DPP10: variants seen among roughly 807,000 people sequenced by gnomAD.
The protein encoded by DPP10 is dipeptidyl peptidase like 10, also known as inactive dipeptidyl peptidase 10.
DPP10 carries 33 observed loss-of-function variants against 120.9 expected under a neutral mutation model. The observed-to-expected ratio is 0.27, with a 90% CI of 0.21 to 0.37. The LOEUF is 0.37. DPP10 is among the 10% of genes least tolerant of loss of function. The pLI is 1.00. For synonymous variants in DPP10, 337 were observed against 326.1 expected, an observed-to-expected ratio of 1.03 and a Z score of -0.36; for missense variants, 816 against 942.8, an observed-to-expected ratio of 0.87 and a Z score of 1.76.
At chr2:115,402,865 A>G (rs2068187047) in intron 3 of DPP10, among the ~76,000 whole-genome samples, 1 of 136,950 alleles carries the variant, frequency 7.3e-6, no homozygotes, top group South Asian at 2.3e-4. Context: ...ATATATATAT[A>G]TATATATATA....
At position 114,462,623 on chromosome 2, in the gene DPP10, C is replaced by T. The variant is rs372798423; in HGVS notation, c.60+19785C>T. Among the ~76,000 whole-genome samples, 5 of 152,140 alleles carry T rather than the reference C, an allele frequency of 3.3e-5. No homozygotes were observed. In the South Asian group the frequency reaches 6.2e-4, roughly 19 times the overall value. ...TCCTAACAAGGGTCTATGCTATCAA[C>T]GTGACTTATCACTGATGCTGTTAAC... is the stretch of plus-strand genomic sequence containing the variant. On this transcript the variant is annotated intron_variant, in intron 1 of 25. Coordinates refer to ENST00000410059, the MANE Select transcript of DPP10 (RefSeq NM_020868.6).
chr2:115,799,423 A>C (rs1362900011), intron 19 of DPP10, among the ~76,000 whole-genome samples: 2 of 151,622 alleles, frequency 1.3e-5, no homozygotes, highest in Non-Finnish European at 2.9e-5. Flanking sequence ...CTATGCTTTT[A>C]TTTTTTCTTT....
At chr2:115,204,029 A>C (rs1227748847) in intron 1 of DPP10, among the ~76,000 whole-genome samples, 4 of 152,194 alleles carry the variant, frequency 2.6e-5, no homozygotes, top group African/African-American at 9.7e-5. Context: ...GAGTTTAAGC[A>C]GAAGAGACTC....
chr2:115,385,460 A>G (rs1288151125), intron 3 of DPP10, among the ~76,000 whole-genome samples: 3 of 151,640 alleles, frequency 2.0e-5, no homozygotes, highest in African/African-American at 4.9e-5. Flanking sequence ...GGTTCAAACA[A>G]TTCTCCTGCC....
intron 5 of DPP10, 103 bp from the exon 6 acceptor site, chr2:115,689,584 C>T (rs146300890): frequency 1.7e-5 from 13 of 786,974 alleles, no homozygotes; most frequent in African/African-American, 1.2e-4. Context: ...TCATTTCTGC[C>T]TAACACCAAT....
intron 5 of DPP10, among the ~76,000 whole-genome samples, chr2:115,664,067 T>C (rs555332238): frequency 6.6e-6 from 1 of 151,974 alleles, no homozygotes; most frequent in African/African-American, 2.4e-5. Context: ...ATATCAGTGA[T>C]GATATTAAAA....
intron 1 of DPP10, among the ~76,000 whole-genome samples, chr2:115,011,110 T>C (rs1702231565): frequency 6.6e-6 from 1 of 152,242 alleles, no homozygotes; most frequent in South Asian, 2.1e-4. Context: ...GTTACTCATT[T>C]GGAAGTTAAT....
In DPP10 at chr2:114,797,787, C is replaced by T. The variant is rs185167675; in HGVS notation, c.60+354949C>T. Among the ~76,000 whole-genome samples the T allele has an allele frequency of 5.7e-3, 871 of 152,210 alleles. 10 individuals carry two copies. Among genetic ancestry groups the T allele is most frequent in the African/African-American group, 0.019 (804 of 41,516 alleles). ...TGTCCCCTCCAGTACCCAGGAGATG[C>T]GATATAATTCCTGTGTTCCTTTCTT... On this transcript the variant is annotated intron_variant, in intron 1 of 25. Transcript: ENST00000410059.
intron 1 of DPP10, among the ~76,000 whole-genome samples, chr2:114,560,286 T>G (rs2104937942): frequency 6.6e-6 from 1 of 152,268 alleles, no homozygotes; most frequent in Admixed American, 6.5e-5. Context: ...ATTCAAGGTC[T>G]TTGCATAAAT....
chr2:114,718,678 A>G (rs970491593), intron 1 of DPP10, among the ~76,000 whole-genome samples: 3 of 152,206 alleles, frequency 2.0e-5, no homozygotes, highest in Non-Finnish European at 4.4e-5. Context: ...GATGCTATTT[A>G]AAATGAATGT....
chr2:114,683,555 TCTCCCTCC>T (rs1276469239), intron 1 of DPP10, among the ~76,000 whole-genome samples: 8 of 140,732 alleles, frequency 5.7e-5, no homozygotes, highest in Non-Finnish European at 1.1e-4. Flanking sequence ...TCCCTCTCTC[TCTCCCTCC>T]CTCCCTCCCT....
At chr2:115,546,083 C>A (rs1321333544) in intron 5 of DPP10, among the ~76,000 whole-genome samples, 2 of 152,142 alleles carry the variant, frequency 1.3e-5, no homozygotes, top group Non-Finnish European at 2.9e-5. Flanking sequence ...GACTTAAGGT[C>A]TAAATCTGCA....
At chr2:115,833,317 A>G (rs1229656931) in intron 21 of DPP10, among the ~76,000 whole-genome samples, 1 of 152,240 alleles carries the variant, frequency 6.6e-6, no homozygotes, top group Non-Finnish European at 1.5e-5. Flanking sequence ...TATTGTTAAT[A>G]GAACCAGAAA....
intron 1 of DPP10, among the ~76,000 whole-genome samples, chr2:114,676,633 T>A (rs1398216378): frequency 6.6e-6 from 1 of 152,118 alleles, no homozygotes; most frequent in Non-Finnish European, 1.5e-5. Flanking sequence ...AGATTCCGAT[T>A]CATATGACTG....
chr2:115,343,804 TC>T lies in DPP10; in HGVS notation c.176-11del. 1.3e-6 allele frequency: 2 copies of T among 1,591,492 alleles called. No homozygotes were observed. Among genetic ancestry groups the T allele is most frequent in the Non-Finnish European group, 1.7e-6 (2 of 1,167,154 alleles). On this transcript the variant is annotated splice_polypyrimidine_tract_variant and intron_variant, in intron 2 of 25. Transcript: ENST00000410059. ...TAAGATAGGCATCTAACCTAGAATT[TC>T]CTTTATTTTAGATGAACTCACAAAT...
chr2:115,518,242 A>G (rs2077606631), intron 4 of DPP10, among the ~76,000 whole-genome samples: 1 of 152,192 alleles, frequency 6.6e-6, no homozygotes, highest in African/African-American at 2.4e-5. Context: ...CAAACATCGA[A>G]ACTGTAGCAA....
intron 3 of DPP10, among the ~76,000 whole-genome samples, chr2:115,383,141 A>C (rs1002889630): frequency 6.6e-6 from 1 of 152,224 alleles, no homozygotes; most frequent in African/African-American, 2.4e-5. Context: ...ATCACACTGA[A>C]TATTGAGTGA....
rs1443676415 is a variant in DPP10, at chr2:115,244,233, TATATATAGAGAGAGAGAG to T, written c.61-65004_61-64987del. On this transcript the variant is annotated intron_variant, in intron 1 of 25. Transcript: ENST00000410059. ...ATGTGTGTGTATATATATATATATA[TATATATAGAGAGAGAGAG>T]AGAGAGAGAGAGAGAGAGAGAGAGA... Among the ~76,000 whole-genome samples, 385 of 44,382 alleles carry T rather than the reference TATATATAGAGAGAGAGAG, an allele frequency of 8.7e-3. 3 individuals are homozygous for T. The highest frequency in any genetic ancestry group is 0.013 in the Non-Finnish European group (283 of 22,374). 29.1% of individuals were successfully genotyped at this position (44,382 alleles called of 152,430 possible).
intron 1 of DPP10, among the ~76,000 whole-genome samples, chr2:115,134,647 G>A (rs898292646): frequency 6.6e-6 from 1 of 151,980 alleles, no homozygotes; most frequent in Non-Finnish European, 1.5e-5. Context: ...GACGCAAATA[G>A]GGCCTTCATC....
Sources: gnomAD v4.1 joint callset for allele counts (sites outside exome capture counted in the v4.1 genomes callset) on GRCh38, gnomAD v4.1.1 for gene constraint, MANE v1.5 for transcripts, NCBI Gene and HGNC (gene_info 2026-07-23, HGNC 2026-07-21) for gene names.